Variants in BRAT1 observed in about 807,000 individuals in gnomAD.
BRAT1 encodes the protein integrator complex assembly factor BRAT1.
A neutral mutation model predicts 70.6 loss-of-function variants in BRAT1; 74 were observed. The ratio of observed to expected loss-of-function variants is 1.05; its 90% confidence interval spans 0.87 to 1.27. BRAT1 has a LOEUF of 1.27. BRAT1 is among the 50% of genes most tolerant of loss of function. The pLI, the probability that BRAT1 is intolerant of heterozygous loss-of-function variation, is 0.00. For synonymous variants in BRAT1, 615 were observed against 517.1 expected (o/e 1.19, Z -2.57); for missense variants, 1,203 against 1,098.2 (o/e 1.10, Z -1.35).
chr7:2,546,243 C>T (rs1156945229), intron 3 of BRAT1, among the ~76,000 whole-genome samples: 2 of 151,064 alleles, frequency 1.3e-5, no homozygotes, highest in African/African-American at 2.4e-5. Flanking sequence ...GAGTTTGAGA[C>T]CAGCCTGGGC....
In BRAT1 at chr7:2,543,580, G is replaced by A. The variant is rs1779352248; in HGVS notation, c.803+10C>T. 1 of 1,506,714 alleles carries A rather than the reference G, an allele frequency of 6.6e-7. No homozygotes were observed. Among genetic ancestry groups the A allele is most frequent in the African/African-American group, 1.4e-5 (1 of 71,586 alleles). 93.3% of individuals were successfully genotyped at this position (1,506,714 alleles called of 1,614,324 possible). On this transcript the variant is annotated intron_variant, in intron 5 of 13. Transcript: ENST00000340611. This position sits in a 1 kb window ranked among gnomAD's most constrained non-coding sequence, Gnocchi z 5.5. ...ACCCAGGCCCCCCAGCTGCGTCCCG[G>A]GGCCCTGACCGAGCCACACAGAGAA... is the stretch of plus-strand genomic sequence containing the variant.
intron 10 of BRAT1, 163 bp downstream of exon 10, chr7:2,540,816 C>T (rs1170227212): frequency 2.8e-6 from 2 of 717,280 alleles, no homozygotes; most frequent in Non-Finnish European, 4.2e-6. Context: ...CCTGGGCCCG[C>T]CCCATGCAGC....
rs1187306668 is a variant in BRAT1 at position 2,555,103 on chromosome 7, G to A, written c.-17+384C>T. Among the ~76,000 whole-genome samples, 7 of 150,302 alleles carry A rather than the reference G, an allele frequency of 4.7e-5. No homozygotes were observed. In the South Asian group the frequency reaches 1.3e-3, roughly 27 times the overall value. ...CTGCATCTGAAGCCGGCGGGGGGGAGAGGGGGGCGGCGGGGTGCGGAAAGG... is the reference window on the plus strand; with the variant it reads ...CTGCATCTGAAGCCGGCGGGGGGGAAAGGGGGGCGGCGGGGTGCGGAAAGG... On this transcript the variant is annotated intron_variant, in intron 1 of 13. Coordinates refer to ENST00000340611, the MANE Select transcript of BRAT1 (RefSeq NM_152743.4).
At position 2,539,284 on chromosome 7, in the gene BRAT1, C is replaced by T. The variant is rs2128386113; in HGVS notation, c.1665G>A (p.Gln555=). The T allele has an allele frequency of 6.2e-7, 1 of 1,612,060 alleles. No homozygotes were observed. Among genetic ancestry groups the T allele is most frequent in the South Asian group, 1.1e-5 (1 of 91,026 alleles). ...TCGCTCGGACATAACTCTCAGGGTC[C>T]TGGAGGAGCTGCAGGGCCAGCTGAG... ...EVPQLALQLL[Q]DPESYVRASA... is the part of the protein sequence containing the mutation. Residue 555 remains glutamine (Q), a synonymous_variant, in exon 13 of 14, where the codon CAG becomes CAA. Coordinates refer to ENST00000340611, the MANE Select transcript of BRAT1 (RefSeq NM_152743.4).
intron 2 of BRAT1, among the ~76,000 whole-genome samples, chr7:2,551,664 G>A (rs186392404): frequency 8.9e-4 from 131 of 146,508 alleles, no homozygotes; most frequent in Admixed American, 1.5e-3. Context: ...TGGGTGACGC[G>A]CAAAAACCCT....
intron 1 of BRAT1, among the ~76,000 whole-genome samples, 174 bp from the exon 2 acceptor site, chr7:2,554,621 A>G (rs919486913): frequency 6.6e-6 from 1 of 152,108 alleles, no homozygotes; most frequent in Non-Finnish European, 1.5e-5. Context: ...GATGGATGCA[A>G]AGCTTTGGTC....
intron 3 of BRAT1, among the ~76,000 whole-genome samples, chr7:2,546,978 G>A (rs1779656335): frequency 6.6e-6 from 1 of 151,450 alleles, no homozygotes; most frequent in Non-Finnish European, 1.5e-5. Context: ...TCCGTCCCAG[G>A]AAGAGACGGA....
chr7:2,550,910 T>C (rs1169878490), intron 2 of BRAT1, among the ~76,000 whole-genome samples: 2 of 152,180 alleles, frequency 1.3e-5, no homozygotes, highest in African/African-American at 4.8e-5. Flanking sequence ...CAGGGTTCCA[T>C]GGTGCCACAT....
intron 2 of BRAT1, among the ~76,000 whole-genome samples, chr7:2,549,089 G>A (rs6951757): frequency 0.032 from 4,885 of 152,300 alleles, 282 homozygotes; most frequent in African/African-American, 0.11. Context: ...GGTTGTGATG[G>A]CCTGAAGTTC....
rs1282214567 is a variant in BRAT1, at chr7:2,537,889, A to G, written c.*180T>C. The G allele has an allele frequency of 5.7e-6, 6 of 1,044,456 alleles. No individual in the cohort carries two copies. The highest frequency in any genetic ancestry group is 2.9e-5 in the East Asian group (1 of 34,552). The allele number at this position is 1,044,456 out of a possible 1,614,324, so 64.7% of individuals were successfully genotyped here. ...TCAATGCCATTTATTTTGAGTAGAAATAAGTCATTTCTTTAATACATCAAA... is the reference window on the plus strand; with the variant it reads ...TCAATGCCATTTATTTTGAGTAGAAGTAAGTCATTTCTTTAATACATCAAA... On this transcript the variant is annotated 3_prime_UTR_variant, in exon 14 of 14. Coordinates refer to ENST00000340611, the MANE Select transcript of BRAT1 (RefSeq NM_152743.4).
chr7:2,553,973 A>C (rs1460020600), intron 2 of BRAT1, among the ~76,000 whole-genome samples: 2 of 152,180 alleles, frequency 1.3e-5, no homozygotes, highest in Non-Finnish European at 2.9e-5. Context: ...GAAAGAAAAC[A>C]AATCTGATGT....
intron 12 of BRAT1, 22 bp downstream of exon 12, chr7:2,539,522 C>A: frequency 1.3e-6 from 2 of 1,536,956 alleles, no homozygotes; most frequent in Non-Finnish European, 1.8e-6. Flanking sequence ...GGAAGGCAGC[C>A]CCTCCACCTG....
chr7:2,544,683 A>C (rs1261930291), intron 4 of BRAT1, among the ~76,000 whole-genome samples: 2 of 152,118 alleles, frequency 1.3e-5, no homozygotes. Context: ...AGTTTCAAAG[A>C]CTGAGTCCTC....
Position 2,538,625 on chromosome 7 carries a change from G to A in BRAT1, c.1910C>T (p.Thr637Ile). ...GTCTCGGCTCGCCGCCTGCAGCACAGTGGCCACGAACTGCTCCGTGTCCTG... is the reference window on the plus strand; with the variant it reads ...GTCTCGGCTCGCCGCCTGCAGCACAATGGCCACGAACTGCTCCGTGTCCTG... ...AAQDTEQFVATVLQAASRDLD... is the reference protein window; with the variant it reads ...AAQDTEQFVAIVLQAASRDLD... Residue 637 changes from threonine (T) to isoleucine (I), a missense_variant, in exon 14 of 14, where the codon ACT becomes ATT. By Grantham distance (89) the Thr-to-Ile change is moderately conservative. Transcript: ENST00000340611. 1 of 1,598,336 alleles carries A rather than the reference G, an allele frequency of 6.3e-7. No individual in the cohort carries two copies. The highest frequency in any genetic ancestry group is 8.5e-7 in the Non-Finnish European group (1 of 1,179,392).
chr7:2,541,663 G>C, intron 8 of BRAT1, 55 bp downstream of exon 8: 1 of 1,544,242 alleles, frequency 6.5e-7, no homozygotes. Flanking sequence ...CTACGTTGCG[G>C]TCCCACCGCC....
intron 2 of BRAT1, among the ~76,000 whole-genome samples, chr7:2,552,611 G>A (rs993818781): frequency 1.3e-5 from 2 of 151,536 alleles, no homozygotes; most frequent in Non-Finnish European, 2.9e-5. Context: ...AAAGAACACG[G>A]TAAACCAAAA....
In BRAT1 at chr7:2,538,493, T is replaced by G. The variant is rs768326465; in HGVS notation, c.2042A>C (p.Glu681Ala). 1.7e-5 allele frequency: 28 copies of G among 1,611,348 alleles called. No homozygotes were observed. Among genetic ancestry groups the G allele is most frequent in the Non-Finnish European group, 2.1e-5 (25 of 1,179,814 alleles). The stretch of plus-strand genomic sequence containing the variant: ...GGTGAGTGGCTGGGCTGGGGCCACC[T>G]CGGGTAGGGCCACGGCATAGGGGCA... ...THCPYAVALP[E>A]VAPAQPLTEA... Residue 681 changes from glutamate (E) to alanine (A), a missense_variant, in exon 14 of 14, where the codon GAG becomes GCG. Transcript: ENST00000340611.
intron 8 of BRAT1, 94 bp from the exon 9 acceptor site, chr7:2,541,578 A>G (rs1040502646): frequency 1.4e-6 from 2 of 1,457,430 alleles, no homozygotes; most frequent in Non-Finnish European, 1.8e-6. Flanking sequence ...GGCGGGGGAC[A>G]TCAGCCAAGG....
chr7:2,542,381 G>A lies in BRAT1; in HGVS notation c.924-170C>T, dbSNP rs1429277078. ...GGGATGCCATGGGACAGAGTGGCGG[G>A]GAGGACAGGCCTGACCAAGGAGATG... On this transcript the variant is annotated intron_variant, in intron 6 of 13. Transcript: ENST00000340611. The A allele has an allele frequency of 4.7e-6, 3 of 642,750 alleles. No individual in the cohort carries two copies. The East Asian group carries it at 8.3e-5, about 18-fold the overall frequency. 39.8% of individuals were successfully genotyped at this position (642,750 alleles called of 1,614,324 possible).
Sources: gnomAD v4.1 joint callset for allele counts (sites outside exome capture counted in the v4.1 genomes callset) on GRCh38, gnomAD v4.1.1 for gene constraint, Gnocchi (gnomAD v3.1) non-coding constraint, MANE v1.5 for transcripts, NCBI Gene and HGNC (gene_info 2026-07-23, HGNC 2026-07-21) for gene names.